Variants in JCAD observed in about 807,000 individuals in gnomAD.
JCAD encodes junctional cadherin 5-associated protein.
In JCAD, 40 loss-of-function variants were observed where a neutral mutation model predicts 98.0. That is an observed-to-expected ratio of 0.41 (90% CI 0.32 to 0.53). The LOEUF is 0.53. Among genes scored for constraint, JCAD ranks in the 20% least tolerant of loss-of-function variants. The pLI is 0.31. For missense variants in JCAD, 1,705 were observed against 1,738.1 expected (o/e 0.98, Z 0.34); for synonymous variants, 691 against 682.3 (o/e 1.01, Z -0.20).
At position 30,029,462 on chromosome 10, in the gene JCAD, G is replaced by C. The variant is rs1413535211; in HGVS notation, c.686C>G (p.Ser229Cys). The change falls in exon 3 of 4, where the codon TCT (serine) becomes TGT (cysteine). Residue 229 changes from serine to cysteine, a missense_variant. Ser to Cys is a moderately radical substitution (Grantham distance 112). Transcript: ENST00000375377. ...HVLNSQNKGK[S>C]RSLPRVLSPE... ...GGAAAGAACTCTAGGCAGTGAGCGA[G>C]ACTTCCCTTTGTTTTGAGAATTCAA... 1.9e-6 allele frequency: 3 copies of C among 1,614,204 alleles called. No homozygotes were observed. The Admixed American group carries it at 5.0e-5, about 27-fold the overall frequency.
At chr10:30,083,852 C>G (rs772589142) in intron 1 of JCAD, among the ~76,000 whole-genome samples, 1 of 151,972 alleles carries the variant, frequency 6.6e-6, no homozygotes, top group Non-Finnish European at 1.5e-5. Context: ...CATAGTGAGA[C>G]GCCATCTTTA....
Position 30,017,733 on chromosome 10 carries a change from C to T in JCAD, c.*150G>A, listed in dbSNP as rs543268865. ...GCAATTCTGAGAGGATGGCAAGTTT[C>T]CTAGTGGCAGTGGTAAAGAATGTTA... On this transcript the variant is annotated 3_prime_UTR_variant, in exon 4 of 4. Coordinates refer to ENST00000375377, the MANE Select transcript of JCAD (RefSeq NM_020848.4). The T allele has an allele frequency of 2.5e-5, 18 of 705,984 alleles. No homozygotes were observed. In the East Asian group the frequency reaches 4.9e-4, roughly 19 times the overall value. 43.7% of individuals were successfully genotyped at this position (705,984 alleles called of 1,614,324 possible).
In JCAD at chr10:30,016,021, A is replaced by C. The variant is rs1053627339; in HGVS notation, c.*1862T>G. The C allele has an allele frequency of 6.6e-6, 1 of 152,082 alleles. No homozygotes were observed. The highest frequency in any genetic ancestry group is 1.5e-5 in the Non-Finnish European group (1 of 68,032). 9.4% of individuals were successfully genotyped at this position (152,082 alleles called of 1,614,324 possible). On this transcript the variant is annotated 3_prime_UTR_variant, in exon 4 of 4. Transcript: ENST00000375377. Reference sequence around the variant, plus strand: ...ATTGCTGCTGTGAAAACTGGAGTGCACTCTCACTTTTCATAAGAGCTGAAT... The same window carrying C: ...ATTGCTGCTGTGAAAACTGGAGTGCCCTCTCACTTTTCATAAGAGCTGAAT...
chr10:30,061,720 G>A (rs536843376), upstream of JCAD, among the ~76,000 whole-genome samples: 1 of 150,694 alleles, frequency 6.6e-6, no homozygotes, highest in African/African-American at 2.5e-5. Flanking sequence ...AGATAGAAAA[G>A]GAAATGCAGA....
chr10:30,048,615 G>C (rs1837406152), intron 1 of JCAD, among the ~76,000 whole-genome samples: 1 of 152,060 alleles, frequency 6.6e-6, no homozygotes, highest in Non-Finnish European at 1.5e-5. Flanking sequence ...GCCCAGGCTG[G>C]AGTGCAGTGG....
At chr10:30,037,712 T>C (rs564344260) in intron 2 of JCAD, among the ~76,000 whole-genome samples, 1 of 152,168 alleles carries the variant, frequency 6.6e-6, no homozygotes, top group East Asian at 1.9e-4. Flanking sequence ...TCAGAAGTGA[T>C]GCTAAATTTG....
At position 30,014,968 on chromosome 10, in the gene JCAD, G is replaced by A. The variant is rs1836505217; in HGVS notation, c.*2915C>T. ...CATAATCCTGAAAACCCAGTCAGGG[G>A]CTGGGTGCACTGTCAGTGAGGAGTT... is the stretch of plus-strand genomic sequence containing the variant. On this transcript the variant is annotated 3_prime_UTR_variant, in exon 4 of 4. Coordinates refer to ENST00000375377, the MANE Select transcript of JCAD (RefSeq NM_020848.4). 6.6e-6 allele frequency: 1 copy of A among 152,204 alleles called. No individual in the cohort carries two copies. Among genetic ancestry groups the A allele is most frequent in the South Asian group, 2.1e-4 (1 of 4,828 alleles). The allele number at this position is 152,204 out of a possible 1,614,324, so 9.4% of individuals were successfully genotyped here. A position where few individuals can be genotyped will look rare whatever the true frequency, so the allele number is the denominator to read the frequency against.
intron 1 of JCAD, among the ~76,000 whole-genome samples, chr10:30,111,267 C>T (rs558741861): frequency 9.2e-5 from 14 of 152,162 alleles, no homozygotes; most frequent in African/African-American, 3.1e-4. Flanking sequence ...CCAGGGGTTA[C>T]TTCTTCTTGG....
In JCAD at chr10:30,028,682, C is replaced by G; in HGVS notation, c.1466G>C (p.Gly489Ala). Residue 489 changes from glycine to alanine, a missense_variant, in exon 3 of 4, where the codon GGC becomes GCC. This residue lies in a region of JCAD where 1,278 missense variants were observed against 1,243.1 expected (regional missense o/e 1.03). Coordinates refer to ENST00000375377, the MANE Select transcript of JCAD (RefSeq NM_020848.4). ...GGGGCTGGAATCGGCCAAGACCAGGCCTCTCTCATCCCCCGACGGGGGTAT... is the reference window on the plus strand; with the variant it reads ...GGGGCTGGAATCGGCCAAGACCAGGGCTCTCTCATCCCCCGACGGGGGTAT... Reference protein sequence around the residue: ...SLIPPSGDERGLVLADSSPRW... With the variant: ...SLIPPSGDERALVLADSSPRW... 6.2e-7 allele frequency: 1 copy of G among 1,607,320 alleles called. No individual in the cohort carries two copies. The highest frequency in any genetic ancestry group is 8.5e-7 in the Non-Finnish European group (1 of 1,176,470).
chr10:30,028,746 T>C lies in JCAD; in HGVS notation c.1402A>G (p.Met468Val). The C allele has an allele frequency of 6.2e-7, 1 of 1,614,194 alleles. No individual in the cohort carries two copies. Residue 468 changes from methionine (M) to valine (V), a missense_variant, in exon 3 of 4, where the codon ATG becomes GTG. Met to Val is a conservative substitution (Grantham distance 21, BLOSUM62 1). Transcript: ENST00000375377. ...TTCCAAATGGCACCATCAGGCTGCA[T>C]TCCTCCATGAGCCGGCTCTTGAGCA... ...VTAQEPAHGG[M>V]QPDGAIWNPQ...
Position 30,027,945 on chromosome 10 carries a change from C to A in JCAD, c.2203G>T (p.Ala735Ser), listed in dbSNP as rs1187986660. Residue 735 changes from alanine to serine, a missense_variant, in exon 3 of 4, where the codon GCA becomes TCA. Physicochemically the swap from Ala to Ser is moderately conservative, Grantham distance 99. This residue lies in a region of JCAD where 1,278 missense variants were observed against 1,243.1 expected (regional missense o/e 1.03). Coordinates refer to ENST00000375377, the MANE Select transcript of JCAD (RefSeq NM_020848.4). ...TGTTTGTGATCACCGGTAGGGAATG[C>A]TGTGTGCGTCTGAGCTTCGGAGGCA... is the stretch of plus-strand genomic sequence containing the variant. Reference protein sequence around the residue: ...PAASEAQTHTAFPTGDHKQRP... With the variant: ...PAASEAQTHTSFPTGDHKQRP... 1 of 1,614,260 alleles carries A rather than the reference C, an allele frequency of 6.2e-7. No individual in the cohort carries two copies. The highest frequency in any genetic ancestry group is 8.5e-7 in the Non-Finnish European group (1 of 1,180,042).
intron 3 of JCAD, among the ~76,000 whole-genome samples, chr10:30,020,342 A>AG (rs904467970): frequency 7.9e-5 from 12 of 151,682 alleles, no homozygotes; most frequent in South Asian, 6.2e-4. Flanking sequence ...AAAAAAAAAA[A>AG]AAAAAGAAAA....
chr10:30,069,540 C>A (rs1308988143), intron 2 of JCAD, among the ~76,000 whole-genome samples: 1 of 151,118 alleles, frequency 6.6e-6, no homozygotes, highest in Non-Finnish European at 1.5e-5. Flanking sequence ...GAGCTGAGAT[C>A]ACACCACTGC....
rs748711265 is a variant in JCAD, at chr10:30,028,027, A to C, written c.2121T>G (p.Gly707=). The change falls in exon 3 of 4, where the codon GGT becomes GGG. Residue 707 remains glycine (G), a synonymous_variant. Coordinates refer to ENST00000375377, the MANE Select transcript of JCAD (RefSeq NM_020848.4). ...CACGACTCGGCCCTCCCAGCTTTGC[A>C]CCAGGGAGCAGCTGCGAACTTTGGG... ...EEPQSSQLLP[G]AKLGGPSRAA... is the part of the protein sequence containing the mutation. 2 of 1,614,240 alleles carry C rather than the reference A, an allele frequency of 1.2e-6. No homozygotes were observed. The highest frequency in any genetic ancestry group is 3.3e-5 in the Admixed American group (2 of 60,028).
At chr10:30,066,864 A>T (rs1373964192) in intron 2 of JCAD, among the ~76,000 whole-genome samples, 1 of 152,000 alleles carries the variant, frequency 6.6e-6, no homozygotes, top group East Asian at 1.9e-4. Context: ...CTACTAAAAA[A>T]TATGTGCTTG....
chr10:30,107,567 C>T (rs182220812), intron 1 of JCAD, among the ~76,000 whole-genome samples: 2 of 152,136 alleles, frequency 1.3e-5, no homozygotes, highest in African/African-American at 2.4e-5. Context: ...CAAGAGGTAA[C>T]GATAAGTACA....
intron 3 of JCAD, among the ~76,000 whole-genome samples, chr10:30,019,144 T>C (rs1191281920): frequency 6.6e-6 from 1 of 151,720 alleles, no homozygotes; most frequent in South Asian, 2.1e-4. Flanking sequence ...TCACCTGAGG[T>C]TGGGAGTTCA....
At chr10:30,073,266 T>A (rs902885370) in intron 1 of JCAD, among the ~76,000 whole-genome samples, 1 of 152,260 alleles carries the variant, frequency 6.6e-6, no homozygotes, top group Non-Finnish European at 1.5e-5. Flanking sequence ...TCTCTGAGCC[T>A]CAGTTCCTTC....
intron 2 of JCAD, among the ~76,000 whole-genome samples, chr10:30,043,110 G>A (rs1837274748): frequency 6.6e-6 from 1 of 152,178 alleles, no homozygotes; most frequent in African/African-American, 2.4e-5. Context: ...AAGTTCACAT[G>A]CTCCTTTGTC....
Sources: gnomAD v4.1 joint callset for allele counts (sites outside exome capture counted in the v4.1 genomes callset) on GRCh38, gnomAD v4.1.1 for gene constraint, gnomAD v4.1.1 regional missense constraint, MANE v1.5 for transcripts, NCBI Gene and HGNC (gene_info 2026-07-23, HGNC 2026-07-21) for gene names.